The following KIAA1217 variants were observed in gnomAD, a reference collection of about 807,000 sequenced individuals.
KIAA1217 encodes the protein sickle tail protein homolog.
In KIAA1217, 88 loss-of-function variants were observed where a neutral mutation model predicts 163.9. The ratio of observed to expected loss-of-function variants is 0.54; its 90% CI spans 0.45 to 0.64. The LOEUF (loss-of-function observed/expected upper bound fraction) is 0.64. Among genes scored for constraint, KIAA1217 ranks in the 30% least tolerant of loss-of-function variants. The pLI, the probability that KIAA1217 is intolerant of heterozygous loss-of-function variation, is 0.00. For missense variants in KIAA1217, 2,372 were observed against 2,475.0 expected, an observed-to-expected ratio of 0.96 and a Z score of 0.88; for synonymous variants, 903 against 923.1, an observed-to-expected ratio of 0.98 and a Z score of 0.39.
intron 2 of KIAA1217, among the ~76,000 whole-genome samples, chr10:24,245,213 G>A (rs527372483): frequency 9.8e-5 from 15 of 152,310 alleles, no homozygotes; most frequent in African/African-American, 2.6e-4. Context: ...AGCAACAAAC[G>A]TGGTAATGGT....
At chr10:24,176,047 T>G (rs1349306350) in intron 2 of KIAA1217, among the ~76,000 whole-genome samples, 1 of 152,240 alleles carries the variant, frequency 6.6e-6, no homozygotes, top group Non-Finnish European at 1.5e-5. Context: ...TTTTATTCCC[T>G]TATCTGGCCC....
chr10:24,536,922 CG>C (rs1564889642), intron 17 of KIAA1217, 29 bp downstream of exon 17: 8 of 1,611,216 alleles, frequency 5.0e-6, no homozygotes, highest in Non-Finnish European at 6.8e-6. Context: ...ATTTGCCACA[CG>C]GTTGGGAGTC....
chr10:23,876,737 T>C (rs935790770), intron 1 of KIAA1217, among the ~76,000 whole-genome samples: 7 of 152,000 alleles, frequency 4.6e-5, no homozygotes, highest in African/African-American at 1.7e-4. Context: ...GAATCTATAA[T>C]TCAGTGCTTT....
At chr10:24,265,255 G>T (rs1413489209) in intron 2 of KIAA1217, among the ~76,000 whole-genome samples, 1 of 152,204 alleles carries the variant, frequency 6.6e-6, no homozygotes, top group African/African-American at 2.4e-5. Flanking sequence ...TGATGCTTAA[G>T]TTGGTCTTTC....
rs779189365 is a variant in KIAA1217, at chr10:24,543,774, T to A, written c.4504T>A (p.Ser1502Thr). ...VVQNNNTSQM[S>T]HKKVAPGNLR... ...CCAGAATAATAACACTTCCCAGATGTCTCATAAGAAGGTGGCCCCAGGCAA... is the reference window on the plus strand; with the variant it reads ...CCAGAATAATAACACTTCCCAGATGACTCATAAGAAGGTGGCCCCAGGCAA... Residue 1502 changes from serine (S) to threonine (T), a missense_variant, in exon 19 of 21, where the codon TCT becomes ACT. By Grantham distance (58) the Ser-to-Thr change is moderately conservative (BLOSUM62 1). Coordinates refer to ENST00000376454, the MANE Select transcript of KIAA1217 (RefSeq NM_019590.5). 1.2e-6 allele frequency: 2 copies of A among 1,613,356 alleles called. No homozygotes were observed. The highest frequency in any genetic ancestry group is 1.7e-6 in the Non-Finnish European group (2 of 1,179,732).
intron 1 of KIAA1217, among the ~76,000 whole-genome samples, chr10:23,722,786 A>G (rs1837939015): frequency 6.6e-6 from 1 of 152,208 alleles, no homozygotes; most frequent in Admixed American, 6.5e-5. Flanking sequence ...TAGTCTGTGC[A>G]GTAAGAAGCT....
At chr10:23,951,627 TGCAAGCAA>T (rs34524670) in intron 1 of KIAA1217, among the ~76,000 whole-genome samples, 8 of 151,306 alleles carry the variant, frequency 5.3e-5, no homozygotes, top group African/African-American at 1.2e-4. Context: ...CACTCCAGCC[TGCAAGCAA>T]GCAAGCAAGC....
At chr10:23,952,394 G>C (rs1317046720) in intron 1 of KIAA1217, among the ~76,000 whole-genome samples, 1 of 152,184 alleles carries the variant, frequency 6.6e-6, no homozygotes, top group Admixed American at 6.5e-5. Flanking sequence ...ACAAAGGTAG[G>C]AATCTGTAAA....
intron 1 of KIAA1217, among the ~76,000 whole-genome samples, chr10:23,768,184 T>C (rs1834626157): frequency 6.6e-6 from 1 of 152,186 alleles, no homozygotes; most frequent in Non-Finnish European, 1.5e-5. Flanking sequence ...AACTTTTCCC[T>C]TGGGGAAGTA....
chr10:23,717,730 A>G (rs1837657788), intron 1 of KIAA1217, among the ~76,000 whole-genome samples: 1 of 152,206 alleles, frequency 6.6e-6, no homozygotes, highest in Non-Finnish European at 1.5e-5. Flanking sequence ...TGCAAAATGT[A>G]TGCTAGAAAT....
chr10:24,242,910 C>A (rs2073282435), intron 2 of KIAA1217, among the ~76,000 whole-genome samples: 1 of 151,962 alleles, frequency 6.6e-6, no homozygotes, highest in Admixed American at 6.6e-5. Context: ...CTGTTTATGT[C>A]TTTTGTCCAC....
intron 2 of KIAA1217, among the ~76,000 whole-genome samples, chr10:24,331,393 G>A (rs1271483247): frequency 1.3e-5 from 2 of 152,246 alleles, no homozygotes; most frequent in Admixed American, 1.3e-4. Flanking sequence ...AAAAGCAGCA[G>A]CATTAATGAA....
At chr10:23,851,277 C>T (rs543503585) in intron 1 of KIAA1217, among the ~76,000 whole-genome samples, 3 of 152,038 alleles carry the variant, frequency 2.0e-5, no homozygotes, top group East Asian at 1.9e-4. Context: ...GGTTTTTTGT[C>T]CTTGCGATAG....
At chr10:23,817,586 A>G (rs558474051) in intron 1 of KIAA1217, among the ~76,000 whole-genome samples, 1 of 152,282 alleles carries the variant, frequency 6.6e-6, no homozygotes, top group African/African-American at 2.4e-5. Context: ...CACAGTTTTT[A>G]TAACTATGAA....
At chr10:24,371,589 C>T (rs577270037) in intron 2 of KIAA1217, among the ~76,000 whole-genome samples, 11 of 152,346 alleles carry the variant, frequency 7.2e-5, no homozygotes, top group Non-Finnish European at 1.6e-4. Context: ...TTTGTAAGAA[C>T]TGGATTCTTG....
chr10:24,454,189 A>G (rs966428881), intron 5 of KIAA1217, among the ~76,000 whole-genome samples: 1 of 152,228 alleles, frequency 6.6e-6, no homozygotes, highest in African/African-American at 2.4e-5. Context: ...CAAACTACTC[A>G]TTAAATAGTT....
intron 1 of KIAA1217, among the ~76,000 whole-genome samples, chr10:24,001,563 C>G (rs1273958775): frequency 6.6e-6 from 1 of 152,152 alleles, no homozygotes; most frequent in East Asian, 1.9e-4. Context: ...ATTAAGACAA[C>G]TAAATGGCAT....
At chr10:23,877,215 T>C (rs772255148) in intron 1 of KIAA1217, among the ~76,000 whole-genome samples, 6 of 151,996 alleles carry the variant, frequency 3.9e-5, no homozygotes, top group African/African-American at 7.2e-5. Context: ...TGTACTCACC[T>C]ATCAGGCCAG....
At chr10:24,456,265 A>AT (rs2061780539) in intron 5 of KIAA1217, among the ~76,000 whole-genome samples, 1 of 152,112 alleles carries the variant, frequency 6.6e-6, no homozygotes. Flanking sequence ...CAGAGTCCTC[A>AT]TTTTTTGCCA....
Sources: gnomAD v4.1 joint callset for allele counts (sites outside exome capture counted in the v4.1 genomes callset) on GRCh38, gnomAD v4.1.1 for gene constraint, MANE v1.5 for transcripts, NCBI Gene and HGNC (gene_info 2026-07-23, HGNC 2026-07-21) for gene names.